Variants in DLG2 observed in about 807,000 individuals in gnomAD.
DLG2 encodes the protein discs large MAGUK scaffold protein 2, also known as disks large homolog 2.
DLG2 carries 45 observed loss-of-function variants against 132.5 expected under a neutral mutation model. The ratio of observed to expected loss-of-function variants is 0.34; its 90% CI spans 0.27 to 0.44. DLG2 has a LOEUF of 0.44. Ranked by LOEUF, DLG2 falls within the 20% of genes least tolerant of loss-of-function variation. DLG2 has a pLI of 1.00. For missense variants in DLG2, 1,045 were observed against 1,196.9 expected, an observed-to-expected ratio of 0.87 and a Z score of 1.87; for synonymous variants, 424 against 419.6, an observed-to-expected ratio of 1.01 and a Z score of -0.13.
chr11:85,021,622 G>T, intron 6 of DLG2: 1 of 1,314,864 alleles, frequency 7.6e-7, no homozygotes, highest in Non-Finnish European at 1.1e-6. Context: ...CATGGAGCGA[G>T]GATCTGTCTT....
intron 6 of DLG2, among the ~76,000 whole-genome samples, chr11:84,564,598 G>A (rs1047103930): frequency 5.9e-5 from 9 of 152,162 alleles, no homozygotes; most frequent in African/African-American, 2.2e-4. Context: ...ACATAATGTC[G>A]TCTAACTAAT....
chr11:85,345,741 T>C (rs1056185749), intron 3 of DLG2, among the ~76,000 whole-genome samples: 20 of 152,166 alleles, frequency 1.3e-4, no homozygotes, highest in African/African-American at 4.8e-4. Context: ...ATTAGCCTGA[T>C]AATAGGATCA....
At chr11:85,187,837 G>T (rs1473801715) in intron 4 of DLG2, among the ~76,000 whole-genome samples, 2 of 152,144 alleles carry the variant, frequency 1.3e-5, no homozygotes, top group Non-Finnish European at 2.9e-5. Flanking sequence ...TCAGTGGCAA[G>T]CAAAAGGAAT....
chr11:84,894,420 T>C (rs1023664712), intron 6 of DLG2, among the ~76,000 whole-genome samples: 2 of 152,150 alleles, frequency 1.3e-5, no homozygotes, highest in African/African-American at 4.8e-5. Context: ...CCGCTATTCT[T>C]GTACAATTCC....
In DLG2 at chr11:85,582,674, A is replaced by C. The variant is rs1194475963; in HGVS notation, c.40+15983T>G. ...CCCCATCTCTACAAAAAAAAAAAAA[A>C]AAAAAAAAAAAAAAAAAAAAAAAAA... On this transcript the variant is annotated intron_variant, in intron 3 of 27. Coordinates refer to ENST00000376104, the MANE Select transcript of DLG2 (RefSeq NM_001142699.3). 3.8e-5 allele frequency among the ~76,000 whole-genome samples: 3 copies of C among 78,736 alleles called. 1 individual carries two copies. The highest frequency in any genetic ancestry group is 1.8e-4 in the African/African-American group (3 of 16,990). 51.7% of individuals were successfully genotyped at this position (78,736 alleles called of 152,430 possible). A position where few individuals can be genotyped will look rare whatever the true frequency, so the allele number is the denominator to read the frequency against.
intron 17 of DLG2, chr11:83,790,381 T>G (rs1461054990): frequency 2.6e-5 from 24 of 916,558 alleles, no homozygotes; most frequent in East Asian, 9.7e-5. Flanking sequence ...CTGGCAGGAC[T>G]GCTAGCTTCC....
intron 8 of DLG2, among the ~76,000 whole-genome samples, chr11:84,201,352 C>A (rs1400569460): frequency 6.6e-6 from 1 of 152,108 alleles, no homozygotes; most frequent in African/African-American, 2.4e-5. Flanking sequence ...TTTGCTAGTA[C>A]TTTATTGAGG....
chr11:84,865,951 T>A, intron 6 of DLG2, among the ~76,000 whole-genome samples: 1 of 152,220 alleles, frequency 6.6e-6, no homozygotes, highest in East Asian at 1.9e-4. Context: ...AACCTTAGAA[T>A]CTGCTACAGG....
At chr11:85,036,675 T>C (rs1401558095) in intron 6 of DLG2, among the ~76,000 whole-genome samples, 1 of 152,172 alleles carries the variant, frequency 6.6e-6, no homozygotes, top group African/African-American at 2.4e-5. Context: ...ATTCAAAGAG[T>C]ATGTTATGCC....
At chr11:84,971,619 TAGAG>T (rs1361197014) in intron 6 of DLG2, among the ~76,000 whole-genome samples, 2 of 152,166 alleles carry the variant, frequency 1.3e-5, no homozygotes, top group African/African-American at 4.8e-5. Flanking sequence ...TATTTGCAGA[TAGAG>T]AGAAATAAAA....
chr11:84,126,396 A>T (rs1431595128), intron 9 of DLG2, among the ~76,000 whole-genome samples: 1 of 152,196 alleles, frequency 6.6e-6, no homozygotes, highest in East Asian at 1.9e-4. Context: ...ACTTATCTCA[A>T]GGAGAGGCTG....
At chr11:85,120,040 C>T (rs1287483883) in intron 5 of DLG2, among the ~76,000 whole-genome samples, 1 of 152,014 alleles carries the variant, frequency 6.6e-6, no homozygotes, top group Non-Finnish European at 1.5e-5. Context: ...AATGCATATA[C>T]ATTGGATAGT....
chr11:85,520,230 A>G (rs918230650), intron 3 of DLG2, among the ~76,000 whole-genome samples: 4 of 152,036 alleles, frequency 2.6e-5, no homozygotes, highest in South Asian at 2.1e-4. Context: ...AAAATCAAGA[A>G]CTCAATCCCA....
At chr11:83,833,852 A>C in intron 16 of DLG2, 82 bp from the exon 17 acceptor site, 1 of 1,400,992 alleles carries the variant, frequency 7.1e-7, no homozygotes, top group African/African-American at 1.4e-5. Context: ...GGGATATATG[A>C]TATCAGCAAC....
At chr11:85,159,021 C>T (rs2077823499) in intron 4 of DLG2, among the ~76,000 whole-genome samples, 2 of 152,196 alleles carry the variant, frequency 1.3e-5, no homozygotes, top group South Asian at 4.1e-4. Context: ...CCCTACTACA[C>T]TACCAACAAT....
At chr11:84,635,422 A>C (rs1212181065) in intron 6 of DLG2, among the ~76,000 whole-genome samples, 3 of 152,172 alleles carry the variant, frequency 2.0e-5, no homozygotes, top group Non-Finnish European at 4.4e-5. Flanking sequence ...GAACGTGAAA[A>C]ATATACAGGC....
intron 6 of DLG2, among the ~76,000 whole-genome samples, chr11:84,933,873 C>T (rs2048371592): frequency 6.6e-6 from 1 of 152,156 alleles, no homozygotes; most frequent in Admixed American, 6.5e-5. Flanking sequence ...TTCCTCATTG[C>T]CCTGGCAAGG....
At chr11:84,608,561 T>C (rs886754857) in intron 6 of DLG2, among the ~76,000 whole-genome samples, 15 of 152,142 alleles carry the variant, frequency 9.9e-5, no homozygotes, top group Admixed American at 9.8e-4. Flanking sequence ...ATGGCTAAAT[T>C]TGGAAAGTTG....
intron 9 of DLG2, among the ~76,000 whole-genome samples, chr11:84,135,539 A>G (rs1422901816): frequency 3.9e-5 from 6 of 152,094 alleles, no homozygotes; most frequent in Non-Finnish European, 8.8e-5. Context: ...AGGACATAAT[A>G]TCAAGTTCAC....
Sources: allele counts gnomAD v4.1 joint callset (sites outside exome capture counted in the v4.1 genomes callset), GRCh38; gene constraint gnomAD v4.1.1; transcripts MANE v1.5; gene names NCBI Gene and HGNC (gene_info 2026-07-23, HGNC 2026-07-21).